Variants in PIF1 observed in about 807,000 individuals in gnomAD.
PIF1 encodes the protein PIF1 5'-to-3' DNA helicase.
Under a neutral mutation model 62.3 loss-of-function variants are expected in PIF1, and 67 were observed. The ratio of observed to expected loss-of-function variants is 1.08; its 90% CI spans 0.88 to 1.32. The LOEUF is 1.32. PIF1 is among the 40% of genes most tolerant of loss of function. The probability of loss-of-function intolerance (pLI) is 0.00; values close to 1 mark genes in which losing one functional copy is unlikely to be tolerated. For missense variants in PIF1, 886 were observed against 866.1 expected, an observed-to-expected ratio of 1.02 and a Z score of -0.29; for synonymous variants, 364 against 379.5, an observed-to-expected ratio of 0.96 and a Z score of 0.47.
Position 64,819,911 on chromosome 15 carries a change from C to T in PIF1, c.1269G>A (p.Thr423=), listed in dbSNP as rs139858723. 207 of 1,614,028 alleles carry T rather than the reference C, an allele frequency of 1.3e-4. 1 individual carries two copies. The highest frequency in any genetic ancestry group is 2.2e-4 in the Admixed American group (13 of 60,008). The change falls in exon 8 of 13, where the codon ACG becomes ACA. Residue 423 remains threonine, a synonymous_variant. Coordinates refer to ENST00000559239, the MANE Select transcript of PIF1 (RefSeq NM_001286496.2). The part of the protein sequence containing the change: ...HKVGRDGIVA[T]RLCTHQDDVA... ...CATCATCCTGGTGGGTGCAGAGCCTCGTGGCCACAATCCCATCTCGCCCCA... is the reference window on the plus strand; with the variant it reads ...CATCATCCTGGTGGGTGCAGAGCCTTGTGGCCACAATCCCATCTCGCCCCA...
upstream of PIF1, among the ~76,000 whole-genome samples, chr15:64,826,647 TATATATATATATATATATACAC>T (rs570942710): frequency 7.0e-3 from 243 of 34,620 alleles, 7 homozygotes; most frequent in African/African-American, 0.021. Context: ...TATATATATA[TATATATATATATATATATACAC>T]ACACACACAC....
At chr15:64,820,935 G>T (rs749948878) in intron 7 of PIF1, 47 bp downstream of exon 7, 10 of 1,535,018 alleles carry the variant, frequency 6.5e-6, no homozygotes, top group Middle Eastern at 1.9e-4. Context: ...TGTGGCCCAT[G>T]CCTGGATCCT....
Position 64,822,624 on chromosome 15 carries a change from A to G in PIF1, c.559-14T>C. On this transcript the variant is annotated splice_polypyrimidine_tract_variant and intron_variant, in intron 2 of 12. Coordinates refer to ENST00000559239, the MANE Select transcript of PIF1 (RefSeq NM_001286496.2). ...CCTTGGGGCTTCCTGGGGGGAACAG[A>G]GCTATCTCAGAGCATCCTCCCACCC... The G allele has an allele frequency of 6.2e-7, 1 of 1,613,104 alleles. No homozygotes were observed. The highest frequency in any genetic ancestry group is 1.1e-5 in the South Asian group (1 of 91,028).
intron 3 of PIF1, 21 bp from the exon 4 acceptor site, chr15:64,822,412 A>G (rs1360787646): frequency 1.9e-6 from 3 of 1,614,128 alleles, no homozygotes; most frequent in Non-Finnish European, 2.5e-6. Context: ...GCAAAGTTAG[A>G]CAGGTCTCCC....
At chr15:64,819,063 G>C (rs2084240930) in intron 9 of PIF1, 54 bp downstream of exon 9, 9 of 1,362,222 alleles carry the variant, frequency 6.6e-6, no homozygotes, top group Non-Finnish European at 7.9e-6. Flanking sequence ...GGATCAGCAA[G>C]GCCCATGCGG....
chr15:64,816,850 C>T, intron 11 of PIF1, 85 bp from the exon 12 acceptor site: 2 of 1,277,804 alleles, frequency 1.6e-6, no homozygotes, highest in Non-Finnish European at 2.1e-6. Flanking sequence ...AGCCCTGCTA[C>T]TGCCCCTGGA....
chr15:64,819,316 A>T (rs151147134), intron 8 of PIF1, 93 bp from the exon 9 acceptor site: 11,348 of 892,928 alleles, frequency 0.013, 122 homozygotes, highest in Middle Eastern at 0.04. Context: ...AATTTAATTT[A>T]ATTTTATTTT....
intron 10 of PIF1, 38 bp downstream of exon 10, chr15:64,818,219 G>A (rs774308689): frequency 3.7e-6 from 6 of 1,612,282 alleles, no homozygotes; most frequent in Non-Finnish European, 5.1e-6. Flanking sequence ...ATGCTGCAAA[G>A]CCCCGTAGCA....
rs2084261994 is a variant in PIF1, at chr15:64,819,953, G to A, written c.1227C>T (p.Ala409=). 2 of 1,614,176 alleles carry A rather than the reference G, an allele frequency of 1.2e-6. No individual in the cohort carries two copies. The highest frequency in any genetic ancestry group is 8.5e-7 in the Non-Finnish European group (1 of 1,180,032). Reference sequence around the variant, plus strand: ...CTCGCCCCACCTTGTGGGAAGCTGTGGCCTGGAGCTGGCGGGTCACCTCAT... The same window carrying A: ...CTCGCCCCACCTTGTGGGAAGCTGTAGCCTGGAGCTGGCGGGTCACCTCAT... ...CSDEVTRQLQ[A]TASHKVGRDG... is the part of the protein sequence containing the mutation. Residue 409 remains alanine (A), a synonymous_variant, in exon 8 of 13, where the codon GCC becomes GCT. Coordinates refer to ENST00000559239, the MANE Select transcript of PIF1 (RefSeq NM_001286496.2).
At chr15:64,816,415 C>A in intron 12 of PIF1, 58 bp from the exon 13 acceptor site, 1 of 1,610,602 alleles carries the variant, frequency 6.2e-7, no homozygotes, top group Non-Finnish European at 8.5e-7. Context: ...AGGACCATAA[C>A]CTGGGGGCCA....
In PIF1 at chr15:64,824,261, C is replaced by A; in HGVS notation, c.75G>T (p.Glu25Asp). 1 of 1,299,242 alleles carries A rather than the reference C, an allele frequency of 7.7e-7. No individual in the cohort carries two copies. Among genetic ancestry groups the A allele is most frequent in the South Asian group, 2.3e-5 (1 of 43,912 alleles). The allele number at this position is 1,299,242 out of a possible 1,614,324, so 80.5% of individuals were successfully genotyped here. ...TTCGCGGCTGCCCGCCCGGGCTCAG[C>A]TCCTCCACAGCCACGCGGCACCGCA... ...SELRCRVAVE[E>D]LSPGGQPRRR... is the part of the protein sequence containing the mutation. Residue 25 changes from glutamate to aspartate, a missense_variant, in exon 2 of 13, where the codon GAG (glutamate) becomes GAT (aspartate). Glu to Asp is a conservative substitution (Grantham distance 45). Coordinates refer to ENST00000559239, the MANE Select transcript of PIF1 (RefSeq NM_001286496.2).
intron 1 of PIF1, 91 bp downstream of exon 1, chr15:64,825,478 G>A (rs1175148517): frequency 1.3e-5 from 2 of 151,992 alleles, no homozygotes; most frequent in Non-Finnish European, 2.9e-5. Flanking sequence ...GGGACCCTGG[G>A]ACCCTAGAAG....
chr15:64,821,544 G>A (rs769219288), intron 4 of PIF1, 24 bp from the exon 5 acceptor site: 1 of 1,543,700 alleles, frequency 6.5e-7, no homozygotes, highest in South Asian at 1.2e-5. Flanking sequence ...TATTCAGCCT[G>A]GGCTAATACC....
At chr15:64,820,933 A>G (rs1294251872) in intron 7 of PIF1, 49 bp downstream of exon 7, 5 of 1,531,404 alleles carry the variant, frequency 3.3e-6, no homozygotes, top group South Asian at 1.2e-5. Context: ...ACTGTGGCCC[A>G]TGCCTGGATC....
In PIF1 at chr15:64,822,277, T is replaced by C; in HGVS notation, c.806A>G (p.His269Arg). 1.2e-6 allele frequency: 2 copies of C among 1,613,670 alleles called. No homozygotes were observed. Among genetic ancestry groups the C allele is most frequent in the South Asian group, 2.2e-5 (2 of 91,078 alleles). ...AACHIGGTTL[H>R]AFAGIGSGQA... ...GGGTTCCTACTTACCTGCAAAGGCA[T>C]GGAGGGTGGTGCCCCCGATGTGGCA... Residue 269 changes from histidine to arginine, a missense_variant, in exon 4 of 13, where the codon CAT becomes CGT. Coordinates refer to ENST00000559239, the MANE Select transcript of PIF1 (RefSeq NM_001286496.2).
At chr15:64,823,271 A>G (rs1311984997) in intron 2 of PIF1, 2 of 150,784 alleles carry the variant, frequency 1.3e-5, no homozygotes, top group East Asian at 3.9e-4. Context: ...TTTTTGAGGA[A>G]GAGTCTCGCT....
Position 64,817,896 on chromosome 15 carries a change from C to A in PIF1, c.1674+50G>T. 3.8e-6 allele frequency: 6 copies of A among 1,570,468 alleles called. 1 individual carries two copies. The highest frequency in any genetic ancestry group is 5.2e-6 in the Non-Finnish European group (6 of 1,159,470). ...AAAAAGACACATAGACTGCAACATG[C>A]CTGACCTCCCTCTGCCCTCCCTGTC... On this transcript the variant is annotated intron_variant, in intron 11 of 12. Transcript: ENST00000559239.
At chr15:64,819,651 G>A (rs150257682) in intron 8 of PIF1, among the ~76,000 whole-genome samples, 196 bp downstream of exon 8, 8 of 152,318 alleles carry the variant, frequency 5.3e-5, no homozygotes, top group Non-Finnish European at 1.2e-4. Flanking sequence ...GTAGGGAGTA[G>A]AGGCAGCGCA....
Position 64,816,160 on chromosome 15 carries a change from G to A in PIF1, c.*138C>T. The A allele has an allele frequency of 3.3e-6, 5 of 1,505,416 alleles. No homozygotes were observed. Among genetic ancestry groups the A allele is most frequent in the Non-Finnish European group, 4.4e-6 (5 of 1,131,006 alleles). The allele number at this position is 1,505,416 out of a possible 1,614,324, so 93.3% of individuals were successfully genotyped here. On this transcript the variant is annotated 3_prime_UTR_variant, in exon 13 of 13. Transcript: ENST00000559239. The stretch of plus-strand genomic sequence containing the variant: ...AGTACTCTCCCTTTAACCCTGCCAG[G>A]AGGCTGAGAGTCCCTAAAAAATACA...
Sources: allele counts gnomAD v4.1 joint callset (sites outside exome capture counted in the v4.1 genomes callset), GRCh38; gene constraint gnomAD v4.1.1; transcripts MANE v1.5; gene names NCBI Gene and HGNC (gene_info 2026-07-23, HGNC 2026-07-21).